The following CCDC9B variants were observed in gnomAD, a reference collection of about 807,000 sequenced individuals.
CCDC9B encodes the protein coiled-coil domain containing 9B, also known as coiled-coil domain-containing protein 9B.
CCDC9B carries 40 observed loss-of-function variants against 47.2 expected under a neutral mutation model. The ratio of observed to expected loss-of-function variants is 0.85; its 90% CI spans 0.66 to 1.10. The LOEUF (loss-of-function observed/expected upper bound fraction) is 1.10, where lower values mean the gene tolerates loss of function less well. Among genes scored for constraint, CCDC9B ranks in the 50% least tolerant of loss-of-function variants. The pLI is 0.00. For synonymous variants in CCDC9B, 238 were observed against 250.7 expected, an observed-to-expected ratio of 0.95 and a Z score of 0.48; for missense variants, 662 against 651.0, an observed-to-expected ratio of 1.02 and a Z score of -0.18.
chr15:40,335,495 G>C lies in CCDC9B; in HGVS notation c.1136C>G (p.Ser379Cys), dbSNP rs774311095. The part of the protein sequence containing the change: ...QEPDLAPLDL[S>C]LGGAGIPGPR... Reference sequence around the variant, plus strand: ...CCCAGGGATGCCAGCCCCTCCTAGGGAGAGGTCAAGAGGAGCCAAGTCAGG... The same window carrying C: ...CCCAGGGATGCCAGCCCCTCCTAGGCAGAGGTCAAGAGGAGCCAAGTCAGG... The change falls in exon 11 of 11, where the codon TCC (serine) becomes TGC (cysteine). Residue 379 changes from serine to cysteine, a missense_variant. Physicochemically the swap from Ser to Cys is moderately radical, Grantham distance 112 (BLOSUM62 -1). Coordinates refer to ENST00000397536, the MANE Select transcript of CCDC9B (RefSeq NM_207380.3). The C allele has an allele frequency of 1.9e-6, 3 of 1,576,302 alleles. No individual in the cohort carries two copies. In the South Asian group the frequency reaches 3.4e-5, roughly 18 times the overall value.
rs1295716530 is a variant in CCDC9B at position 40,333,593 on chromosome 15, A to G, written c.*1565T>C. The G allele has an allele frequency of 6.9e-6, 1 of 144,384 alleles. No homozygotes were observed. Among genetic ancestry groups the G allele is most frequent in the Non-Finnish European group, 1.5e-5 (1 of 66,928 alleles). The allele number at this position is 144,384 out of a possible 1,614,324, so 8.9% of individuals were successfully genotyped here. A position where few individuals can be genotyped will look rare whatever the true frequency, so the allele number is the denominator to read the frequency against. Reference sequence around the variant, plus strand: ...AAAAAAAAAAAAAAAAAAAAAGACGAACTCTCAGGCCCTCCCCAGACCATT... The same window carrying G: ...AAAAAAAAAAAAAAAAAAAAAGACGGACTCTCAGGCCCTCCCCAGACCATT... On this transcript the variant is annotated 3_prime_UTR_variant, in exon 11 of 11. Coordinates refer to ENST00000397536, the MANE Select transcript of CCDC9B (RefSeq NM_207380.3).
chr15:40,340,124 G>A (rs1889058181), intron 1 of CCDC9B, 109 bp from the exon 2 acceptor site: 2 of 678,754 alleles, frequency 2.9e-6, no homozygotes, highest in Admixed American at 5.3e-5. Flanking sequence ...CACAGCTAAG[G>A]TCACCCAGGA....
chr15:40,338,082 C>A lies in CCDC9B; in HGVS notation c.514-189G>T, dbSNP rs767769704. The A allele has an allele frequency of 3.5e-5, 26 of 735,330 alleles. 1 individual carries two copies. The South Asian group carries it at 3.8e-4, about 11-fold the overall frequency. The allele number at this position is 735,330 out of a possible 1,614,324, so 45.6% of individuals were successfully genotyped here. A position where few individuals can be genotyped will look rare whatever the true frequency, so the allele number is the denominator to read the frequency against. ...TGTGTGTTTTACATAAGTAATTTAA[C>A]CTCTCTGTGTCTCATTTCCTCGTGT... is the stretch of plus-strand genomic sequence containing the variant. On this transcript the variant is annotated intron_variant, in intron 5 of 10. Coordinates refer to ENST00000397536, the MANE Select transcript of CCDC9B (RefSeq NM_207380.3).
Position 40,338,654 on chromosome 15 carries a change from G to A in CCDC9B, c.394C>T (p.Arg132Trp), listed in dbSNP as rs759059860. The A allele has an allele frequency of 4.4e-5, 71 of 1,613,940 alleles. No homozygotes were observed. Among genetic ancestry groups the A allele is most frequent in the African/African-American group, 1.6e-4 (12 of 74,888 alleles). ...CTGGTAGGCTTTTCACTTACAATCCGTTTGCCCTGGGGAGGATGAAGATGG... is the reference window on the plus strand; with the variant it reads ...CTGGTAGGCTTTTCACTTACAATCCATTTGCCCTGGGGAGGATGAAGATGG... ...VTMENKAEGK[R>W]IVSEKPTRAR... Residue 132 changes from arginine to tryptophan, a missense_variant, in exon 5 of 11, where the codon CGG becomes TGG. Coordinates refer to ENST00000397536, the MANE Select transcript of CCDC9B (RefSeq NM_207380.3).
In CCDC9B at chr15:40,332,737, T is replaced by A. The variant is rs142447632; in HGVS notation, c.*2421A>T. The stretch of plus-strand genomic sequence containing the variant: ...ACAATCATTTTTGGAGACATCTGCC[T>A]GATGTCTCCAAAATCTAAGGGCTTT... On this transcript the variant is annotated 3_prime_UTR_variant, in exon 11 of 11. Coordinates refer to ENST00000397536, the MANE Select transcript of CCDC9B (RefSeq NM_207380.3). 7.2e-5 allele frequency: 11 copies of A among 152,230 alleles called. No individual in the cohort carries two copies. The East Asian group carries it at 2.1e-3, about 29-fold the overall frequency. The allele number at this position is 152,230 out of a possible 1,614,324, so 9.4% of individuals were successfully genotyped here.
rs912024826 is a variant in CCDC9B, at chr15:40,333,477, G to A, written c.*1681C>T. 3.3e-5 allele frequency: 5 copies of A among 150,104 alleles called. No individual in the cohort carries two copies. The highest frequency in any genetic ancestry group is 1.2e-4 in the African/African-American group (5 of 40,640). The allele number at this position is 150,104 out of a possible 1,614,324, so 9.3% of individuals were successfully genotyped here. A position where few individuals can be genotyped will look rare whatever the true frequency, so the allele number is the denominator to read the frequency against. On this transcript the variant is annotated 3_prime_UTR_variant, in exon 11 of 11. Coordinates refer to ENST00000397536, the MANE Select transcript of CCDC9B (RefSeq NM_207380.3). ...GCTACTCAAGAGGTTGATGTGAGAG[G>A]ATCGCCTGAGCCTGGAGGGTTCGAG...
intron 9 of CCDC9B, chr15:40,336,073 C>G (rs984541138): frequency 1.1e-5 from 11 of 985,408 alleles, no homozygotes; most frequent in Non-Finnish European, 1.3e-5. Flanking sequence ...CCTCCACCTC[C>G]TCTGGGCCTC....
intron 10 of CCDC9B, 39 bp downstream of exon 10, chr15:40,335,745 G>C (rs372561365): frequency 1.9e-6 from 3 of 1,598,588 alleles, no homozygotes; most frequent in South Asian, 1.1e-5. Context: ...TCCAGGGCTC[G>C]CGTCCCCAGC....
At chr15:40,335,940 G>A (rs1298337034) in intron 9 of CCDC9B, 114 bp from the exon 10 acceptor site, 1 of 1,529,882 alleles carries the variant, frequency 6.5e-7, no homozygotes, top group East Asian at 2.4e-5. Context: ...GGCTGAGCTG[G>A]GACCCCATGG....
chr15:40,339,674 A>G, intron 2 of CCDC9B, 55 bp from the exon 3 acceptor site: 1 of 1,604,282 alleles, frequency 6.2e-7, no homozygotes. Context: ...GCACAGAGAC[A>G]TAGATGCTGA....
At position 40,338,602 on chromosome 15, in the gene CCDC9B, G is replaced by T. The variant is rs1391739952; in HGVS notation, c.446C>A (p.Ser149Ter). ...TRARNQGIEG[S>*]PGGRVTRSPP... ...GCTTCGGGTCACACGCCCTCCAGGT[G>T]ACCCCTCTATGCCTTGGTTCCTTGC... The change falls in exon 5 of 11, where the codon TCA becomes TAA. Residue 149 changes from serine to a stop codon, truncating the protein, a stop_gained. Coordinates refer to ENST00000397536, the MANE Select transcript of CCDC9B (RefSeq NM_207380.3). LOFTEE classifies it high-confidence loss of function. The T allele has an allele frequency of 2.5e-6, 4 of 1,614,154 alleles. No homozygotes were observed. In the African/African-American group the frequency reaches 4.0e-5, roughly 16 times the overall value.
Position 40,336,786 on chromosome 15 carries a change from G to A in CCDC9B, c.770C>T (p.Pro257Leu). The change falls in exon 8 of 11, where the codon CCC becomes CTC. Residue 257 changes from proline to leucine, a missense_variant. Coordinates refer to ENST00000397536, the MANE Select transcript of CCDC9B (RefSeq NM_207380.3). ...RGPRSHQKLQ[P>L]PPLLPDGKGR... ...TTTTCCATCAGGGAGCAATGGTGGG[G>A]GCTGTAGTTTCTGGTGGCTCCTGGG... 6.3e-7 allele frequency: 1 copy of A among 1,599,394 alleles called. No homozygotes were observed. The highest frequency in any genetic ancestry group is 8.5e-7 in the Non-Finnish European group (1 of 1,175,476).
chr15:40,335,129 G>C lies in CCDC9B; in HGVS notation c.*29C>G. The C allele has an allele frequency of 6.8e-7, 1 of 1,475,440 alleles. No homozygotes were observed. Among genetic ancestry groups the C allele is most frequent in the South Asian group, 1.4e-5 (1 of 70,736 alleles). 91.4% of individuals were successfully genotyped at this position (1,475,440 alleles called of 1,614,324 possible). On this transcript the variant is annotated 3_prime_UTR_variant, in exon 11 of 11. Transcript: ENST00000397536. Reference sequence around the variant, plus strand: ...AGAGTGATTCCCTTTTCCTCTCCCCGGGGACTCCCCAGCTCCCAGGAGCTG... The same window carrying C: ...AGAGTGATTCCCTTTTCCTCTCCCCCGGGACTCCCCAGCTCCCAGGAGCTG...
At chr15:40,336,362 G>A in intron 9 of CCDC9B, 2 of 985,360 alleles carry the variant, frequency 2.0e-6, no homozygotes, top group Non-Finnish European at 2.4e-6. Flanking sequence ...CAGGGGAAGG[G>A]AGCTGCTGTA....
Position 40,335,046 on chromosome 15 carries a change from A to G in CCDC9B, c.*112T>C. 9.4e-7 allele frequency: 1 copy of G among 1,069,008 alleles called. No homozygotes were observed. The highest frequency in any genetic ancestry group is 2.4e-5 in the Admixed American group (1 of 40,964). 66.2% of individuals were successfully genotyped at this position (1,069,008 alleles called of 1,614,324 possible). A position where few individuals can be genotyped will look rare whatever the true frequency, so the allele number is the denominator to read the frequency against. On this transcript the variant is annotated 3_prime_UTR_variant, in exon 11 of 11. Coordinates refer to ENST00000397536, the MANE Select transcript of CCDC9B (RefSeq NM_207380.3). ...TGCTGGAGAGTTTGCCACACTGCTC[A>G]GTGACAATGGCGCAAGCCACCGGCA...
chr15:40,337,095 G>A, intron 7 of CCDC9B: 1 of 610,122 alleles, frequency 1.6e-6, no homozygotes, highest in South Asian at 2.0e-5. Context: ...GTCTGGGGAA[G>A]GACCACCAGG....
In CCDC9B at chr15:40,337,909, A is replaced by G. The variant is rs1889000449; in HGVS notation, c.514-16T>C. 1.9e-6 allele frequency: 3 copies of G among 1,585,840 alleles called. No homozygotes were observed. The highest frequency in any genetic ancestry group is 2.7e-5 in the African/African-American group (2 of 74,312). On this transcript the variant is annotated splice_polypyrimidine_tract_variant and intron_variant, in intron 5 of 10. Coordinates refer to ENST00000397536, the MANE Select transcript of CCDC9B (RefSeq NM_207380.3). Reference sequence around the variant, plus strand: ...CCCAAGAACCCTGTAGGGAGAAGACACTCAGAGTGAGGGGGAGAAGCAGGA... The same window carrying G: ...CCCAAGAACCCTGTAGGGAGAAGACGCTCAGAGTGAGGGGGAGAAGCAGGA...
In CCDC9B at chr15:40,335,271, G is replaced by C; in HGVS notation, c.1360C>G (p.Gln454Glu). 6.2e-7 allele frequency: 1 copy of C among 1,606,022 alleles called. No homozygotes were observed. Among genetic ancestry groups the C allele is most frequent in the Non-Finnish European group, 8.5e-7 (1 of 1,174,900 alleles). Residue 454 changes from glutamine (Q) to glutamate (E), a missense_variant, in exon 11 of 11, where the codon CAG becomes GAG. Gln to Glu is a conservative substitution (Grantham distance 29, BLOSUM62 2). Coordinates refer to ENST00000397536, the MANE Select transcript of CCDC9B (RefSeq NM_207380.3). ...GEDRSGKSGA[Q>E]QGLAPRSRPT... The stretch of plus-strand genomic sequence containing the variant: ...CGGCTTCTCGGGGCCAGGCCCTGCT[G>C]GGCCCCAGACTTGCCAGACCTGTCT...
chr15:40,336,747 C>T lies in CCDC9B; in HGVS notation c.796+13G>A. 6.2e-7 allele frequency: 1 copy of T among 1,600,066 alleles called. No individual in the cohort carries two copies. Among genetic ancestry groups the T allele is most frequent in the South Asian group, 1.1e-5 (1 of 90,146 alleles). On this transcript the variant is annotated intron_variant, in intron 8 of 10. Transcript: ENST00000397536. ...AGCTGACGAGACCTGGCCCCTCCTC[C>T]TCCCCAACTCACCTTTTCCATCAGG... is the stretch of plus-strand genomic sequence containing the variant.
Sources: gnomAD v4.1 joint callset for allele counts on GRCh38, gnomAD v4.1.1 for gene constraint, MANE v1.5 for transcripts, NCBI Gene and HGNC (gene_info 2026-07-23, HGNC 2026-07-21) for gene names.